The following CHRM3 variants were observed in gnomAD, a reference collection of about 807,000 sequenced individuals.
CHRM3 encodes the protein muscarinic acetylcholine receptor M3.
In CHRM3, 11 loss-of-function variants were observed where a neutral mutation model predicts 41.8. That is an observed-to-expected ratio of 0.26 (90% CI 0.17 to 0.44). The LOEUF (loss-of-function observed/expected upper bound fraction) is 0.44. CHRM3 is among the 20% of genes least tolerant of loss of function. The pLI, the probability that CHRM3 is intolerant of heterozygous loss-of-function variation, is 1.00. For missense variants in CHRM3, 571 were observed against 745.4 expected, an observed-to-expected ratio of 0.77 and a Z score of 2.72; for synonymous variants, 297 against 301.4, an observed-to-expected ratio of 0.99 and a Z score of 0.15.
rs1680305567 is a variant in CHRM3 at position 239,910,576 on chromosome 1, C to T, written c.*1352C>T. 6.7e-6 allele frequency: 1 copy of T among 150,342 alleles called. No individual in the cohort carries two copies. The highest frequency in any genetic ancestry group is 3.1e-5 in the African/African-American group (1 of 32,554). 9.3% of individuals were successfully genotyped at this position (150,342 alleles called of 1,614,324 possible). A position where few individuals can be genotyped will look rare whatever the true frequency, so the allele number is the denominator to read the frequency against. ...GTAATGCTTCAAATTGATTTCCTTA[C>T]CTTTTGGGAAAAAAAAAAAATTGTT... On this transcript the variant is annotated 3_prime_UTR_variant, in exon 7 of 7. Transcript: ENST00000676153.
At chr1:239,442,868 G>A in intron 1 of CHRM3, among the ~76,000 whole-genome samples, 1 of 152,174 alleles carries the variant, frequency 6.6e-6, no homozygotes, top group East Asian at 1.9e-4. Flanking sequence ...TCTCTGTCTG[G>A]CAGTGGATAC....
chr1:239,394,327 A>G (rs184382510), intron 1 of CHRM3, among the ~76,000 whole-genome samples: 1 of 152,166 alleles, frequency 6.6e-6, no homozygotes, highest in Admixed American at 6.5e-5. Context: ...TGAGCATATC[A>G]TTCCAATCTC....
chr1:239,769,053 C>T (rs1667450755), intron 5 of CHRM3, among the ~76,000 whole-genome samples: 1 of 152,134 alleles, frequency 6.6e-6, no homozygotes, highest in Non-Finnish European at 1.5e-5. Context: ...GCATGAGCCA[C>T]TGTGCCTGAC....
chr1:239,792,430 C>G (rs1669425457), intron 5 of CHRM3, among the ~76,000 whole-genome samples: 1 of 152,120 alleles, frequency 6.6e-6, no homozygotes. Flanking sequence ...GTTTGCCAGG[C>G]TCTGGGTGAG....
At chr1:239,531,078 T>C (rs1670370325) in intron 2 of CHRM3, among the ~76,000 whole-genome samples, 1 of 152,010 alleles carries the variant, frequency 6.6e-6, no homozygotes, top group Non-Finnish European at 1.5e-5. Context: ...GATAGAAAAA[T>C]TAAAATGTTT....
At chr1:239,435,971 T>G (rs1185149253) in intron 1 of CHRM3, among the ~76,000 whole-genome samples, 1 of 152,094 alleles carries the variant, frequency 6.6e-6, no homozygotes, top group Non-Finnish European at 1.5e-5. Flanking sequence ...GTGCTCACCA[T>G]TAAAGTGGGG....
At chr1:239,630,177 C>A (rs893360337) in intron 3 of CHRM3, among the ~76,000 whole-genome samples, 1 of 152,122 alleles carries the variant, frequency 6.6e-6, no homozygotes, top group African/African-American at 2.4e-5. Flanking sequence ...TATTAGTAGA[C>A]ACTTCAATAA....
intron 4 of CHRM3, among the ~76,000 whole-genome samples, chr1:239,639,963 T>G (rs1573069461): frequency 4.0e-5 from 6 of 151,794 alleles, no homozygotes; most frequent in Admixed American, 3.9e-4. Flanking sequence ...ATTGAGATTT[T>G]GTAGCATGAA....
chr1:239,579,102 A>C (rs754981653), intron 3 of CHRM3, among the ~76,000 whole-genome samples: 11 of 152,222 alleles, frequency 7.2e-5, no homozygotes, highest in Non-Finnish European at 1.2e-4. Context: ...CACTTACTAA[A>C]TATTCGTTGA....
At chr1:239,493,490 A>C (rs1242777539) in intron 2 of CHRM3, among the ~76,000 whole-genome samples, 1 of 152,230 alleles carries the variant, frequency 6.6e-6, no homozygotes, top group Non-Finnish European at 1.5e-5. Flanking sequence ...TTCTTATCGC[A>C]TATTTATGAG....
intron 3 of CHRM3, among the ~76,000 whole-genome samples, chr1:239,607,075 G>A (rs16838553): frequency 0.05 from 7,563 of 152,010 alleles, 202 homozygotes; most frequent in South Asian, 0.11. Context: ...CAGTGAAAAC[G>A]TGTGATTTTT....
chr1:239,588,604 G>T (rs1255223672), intron 3 of CHRM3, among the ~76,000 whole-genome samples: 1 of 152,170 alleles, frequency 6.6e-6, no homozygotes, highest in African/African-American at 2.4e-5. Flanking sequence ...TGAAAGATCA[G>T]TGAGGCCCTT....
intron 2 of CHRM3, among the ~76,000 whole-genome samples, chr1:239,528,569 G>A (rs1319526475): frequency 5.3e-5 from 8 of 152,304 alleles, no homozygotes; most frequent in Non-Finnish European, 1.0e-4. Context: ...GAGCAGCAGA[G>A]GTTAGAGATG....
chr1:239,669,070 T>C lies in CHRM3; in HGVS notation c.-249-9116T>C, dbSNP rs568360777. 1.2e-4 allele frequency among the ~76,000 whole-genome samples: 19 copies of C among 152,272 alleles called. No homozygotes were observed. The South Asian group carries it at 3.9e-3, about 32-fold the overall frequency. ...TCCCCGAAAATTCCCTGAGGCACTG[T>C]CAGCATGGTGTGGAGCCTGTTGATC... On this transcript the variant is annotated intron_variant, in intron 4 of 6. Transcript: ENST00000676153.
chr1:239,762,068 G>A (rs1666836029), intron 5 of CHRM3, among the ~76,000 whole-genome samples: 1 of 152,072 alleles, frequency 6.6e-6, no homozygotes, highest in African/African-American at 2.4e-5. Flanking sequence ...ATTGCCTGTT[G>A]CCCAGGGTCT....
At chr1:239,745,856 T>C (rs1665310313) in intron 5 of CHRM3, among the ~76,000 whole-genome samples, 1 of 152,194 alleles carries the variant, frequency 6.6e-6, no homozygotes, top group Non-Finnish European at 1.5e-5. Flanking sequence ...ATGATATGGC[T>C]AACAACTTTG....
intron 4 of CHRM3, among the ~76,000 whole-genome samples, chr1:239,659,832 T>C (rs1673030931): frequency 6.6e-6 from 1 of 152,238 alleles, no homozygotes; most frequent in Non-Finnish European, 1.5e-5. Flanking sequence ...ATTAGGACTT[T>C]ATTCTCTTTA....
intron 3 of CHRM3, among the ~76,000 whole-genome samples, 181 bp from the exon 4 acceptor site, chr1:239,632,043 G>A (rs755260928): frequency 1.4e-4 from 22 of 152,026 alleles, no homozygotes; most frequent in Non-Finnish European, 2.5e-4. Context: ...GACCCTCTCC[G>A]TCCTCTTCAG....
chr1:239,668,803 G>A (rs1273920525), intron 4 of CHRM3, among the ~76,000 whole-genome samples: 1 of 152,106 alleles, frequency 6.6e-6, no homozygotes, highest in South Asian at 2.1e-4. Flanking sequence ...ATTAGGATGT[G>A]TTTTCTTGTC....
Sources: allele counts gnomAD v4.1 joint callset (sites outside exome capture counted in the v4.1 genomes callset), GRCh38; gene constraint gnomAD v4.1.1; transcripts MANE v1.5; gene names NCBI Gene and HGNC (gene_info 2026-07-23, HGNC 2026-07-21).